The following LPAR5 variants were observed in gnomAD, a reference collection of about 807,000 sequenced individuals.
LPAR5 encodes the protein lysophosphatidic acid receptor 5.
For synonymous variants in LPAR5, 271 were observed against 261.6 expected (o/e 1.04, Z -0.35); for missense variants, 544 against 521.8 (o/e 1.04, Z -0.41).
chr12:6,626,055 A>G (rs904953911), intron 1 of LPAR5, among the ~76,000 whole-genome samples: 16 of 152,064 alleles, frequency 1.1e-4, no homozygotes, highest in Admixed American at 3.9e-4. Context: ...GGATCACTTG[A>G]GGTCAGGAGC....
chr12:6,619,227 C>G lies in LPAR5; in HGVS notation c.*903G>C, dbSNP rs980559098. On this transcript the variant is annotated 3_prime_UTR_variant, in exon 2 of 2. Transcript: ENST00000329858. ...AAAAGAACAAAATATAAGCAAAGCT[C>G]TTTGAGATCCTCAATTTCTAAGAGT... The G allele has an allele frequency of 5.9e-5, 9 of 152,108 alleles. No individual in the cohort carries two copies. Among genetic ancestry groups the G allele is most frequent in the Non-Finnish European group, 8.8e-5 (6 of 68,036 alleles). The allele number at this position is 152,108 out of a possible 1,614,324, so 9.4% of individuals were successfully genotyped here.
At chr12:6,635,628 G>C (rs892065302) in intron 1 of LPAR5, among the ~76,000 whole-genome samples, 5 of 152,160 alleles carry the variant, frequency 3.3e-5, no homozygotes, top group African/African-American at 1.2e-4. Flanking sequence ...AGAGGGGGAG[G>C]GGGAGGACAC....
At chr12:6,630,704 G>A (rs1948975779) in intron 1 of LPAR5, among the ~76,000 whole-genome samples, 1 of 151,806 alleles carries the variant, frequency 6.6e-6, no homozygotes, top group Admixed American at 6.6e-5. Context: ...CACCCGGCTC[G>A]GCCTCCCAAA....
intron 1 of LPAR5, among the ~76,000 whole-genome samples, chr12:6,628,329 C>T (rs1948957620): frequency 6.6e-6 from 1 of 151,876 alleles, no homozygotes; most frequent in Non-Finnish European, 1.5e-5. Flanking sequence ...CCCACTTGAT[C>T]ATTCTTAACC....
At chr12:6,633,277 C>A (rs868128330) in intron 1 of LPAR5, among the ~76,000 whole-genome samples, 40 of 152,200 alleles carry the variant, frequency 2.6e-4, no homozygotes, top group African/African-American at 9.2e-4. Flanking sequence ...GCATCTGACC[C>A]TTGCTTGTAG....
Position 6,621,428 on chromosome 12 carries a change from G to C in LPAR5, c.-180C>G. The C allele has an allele frequency of 1.9e-6, 1 of 528,210 alleles. No homozygotes were observed. The highest frequency in any genetic ancestry group is 7.3e-5 in the South Asian group (1 of 13,730). 32.7% of individuals were successfully genotyped at this position (528,210 alleles called of 1,614,324 possible). On this transcript the variant is annotated 5_prime_UTR_variant, in exon 2 of 2. Transcript: ENST00000329858. ...CAGGGACAGATGGCTGCCAAGGGTT[G>C]GGTGCGTTTGGTCACAGCTTCATCA...
At chr12:6,625,590 G>C (rs920358361) in intron 1 of LPAR5, among the ~76,000 whole-genome samples, 2 of 151,388 alleles carry the variant, frequency 1.3e-5, no homozygotes, top group African/African-American at 4.9e-5. Flanking sequence ...GAGCGTGGTG[G>C]TGGGCGCCTG....
intron 1 of LPAR5, among the ~76,000 whole-genome samples, chr12:6,622,845 C>T (rs1948906322): frequency 6.6e-6 from 1 of 152,094 alleles, no homozygotes; most frequent in African/African-American, 2.4e-5. Flanking sequence ...GTGAGAGAAT[C>T]ACTTGACTCC....
Position 6,620,178 on chromosome 12 carries a change from GGAGTCGGA to G in LPAR5, c.1063_1070del (p.Ser355ProfsTer84). ...ACTGTGTGAAGGAAGACAGAGAGTG[GGAGTCGGA>G]GGGTCGGAGCAGCCCCTGACTGGCG... is the stretch of plus-strand genomic sequence containing the variant. On this transcript the variant is annotated frameshift_variant, in exon 2 of 2. Transcript: ENST00000329858. LOFTEE classifies it low-confidence loss of function (END_TRUNC). The surrounding 1 kb of genome is among the most constrained non-coding windows in gnomAD (Gnocchi z 6.8). 1 of 1,613,338 alleles carries G rather than the reference GGAGTCGGA, an allele frequency of 6.2e-7. No homozygotes were observed.
In LPAR5 at chr12:6,621,347, A is replaced by T; in HGVS notation, c.-99T>A. On this transcript the variant is annotated 5_prime_UTR_variant, in exon 2 of 2. The change creates a premature stop within an existing upstream ORF in the 5' untranslated region. Coordinates refer to ENST00000329858, the MANE Select transcript of LPAR5 (RefSeq NM_020400.6). Reference sequence around the variant, plus strand: ...TCCGGGGCTGGGGCCTAGAGGCTGTACAGACATGGTCCCAAAACAAGCAGA... The same window carrying T: ...TCCGGGGCTGGGGCCTAGAGGCTGTTCAGACATGGTCCCAAAACAAGCAGA... The T allele has an allele frequency of 1.6e-6, 2 of 1,215,792 alleles. No homozygotes were observed. The highest frequency in any genetic ancestry group is 2.2e-6 in the Non-Finnish European group (2 of 923,078). The allele number at this position is 1,215,792 out of a possible 1,614,324, so 75.3% of individuals were successfully genotyped here. A position where few individuals can be genotyped will look rare whatever the true frequency, so the allele number is the denominator to read the frequency against.
chr12:6,635,695 G>A (rs1485739485), intron 1 of LPAR5, among the ~76,000 whole-genome samples: 3 of 152,164 alleles, frequency 2.0e-5, no homozygotes, highest in Non-Finnish European at 4.4e-5. Flanking sequence ...GAGCACTCCC[G>A]AGGTGTAGCA....
intron 1 of LPAR5, among the ~76,000 whole-genome samples, chr12:6,627,708 T>A (rs1404796563): frequency 6.6e-6 from 1 of 152,186 alleles, no homozygotes; most frequent in African/African-American, 2.4e-5. Context: ...CCCAACTAGA[T>A]GGTAAGCTCC....
intron 1 of LPAR5, among the ~76,000 whole-genome samples, chr12:6,629,948 C>G (rs1415153847): frequency 6.6e-6 from 1 of 151,972 alleles, no homozygotes; most frequent in South Asian, 2.1e-4. Context: ...CCCTTGAACC[C>G]AGGAGGCGGA....
At chr12:6,632,559 C>T (rs1592302952) in intron 1 of LPAR5, among the ~76,000 whole-genome samples, 1 of 152,164 alleles carries the variant, frequency 6.6e-6, no homozygotes, top group Non-Finnish European at 1.5e-5. Flanking sequence ...TCCCCACAGA[C>T]AGGCTTCATC....
chr12:6,627,448 G>A (rs775188500), intron 1 of LPAR5, among the ~76,000 whole-genome samples: 32 of 151,482 alleles, frequency 2.1e-4, no homozygotes, highest in South Asian at 4.2e-4. Context: ...ACAATTAGCC[G>A]GGCGAGGTGG....
chr12:6,619,902 G>C lies in LPAR5; in HGVS notation c.*228C>G, dbSNP rs575452132. The C allele has an allele frequency of 1.4e-6, 1 of 712,638 alleles. No individual in the cohort carries two copies. The highest frequency in any genetic ancestry group is 2.7e-5 in the East Asian group (1 of 36,434). 44.1% of individuals were successfully genotyped at this position (712,638 alleles called of 1,614,324 possible). ...TGGGCTCTCTGCATCACTTCCCACC[G>C]CTGGAGAAGGGGTGCTCTGCGTGCT... On this transcript the variant is annotated 3_prime_UTR_variant, in exon 2 of 2. Coordinates refer to ENST00000329858, the MANE Select transcript of LPAR5 (RefSeq NM_020400.6).
In LPAR5 at chr12:6,620,643, C is replaced by A. The variant is rs768156508; in HGVS notation, c.606G>T (p.Leu202=). ...VLLAEALGFL[L]PLAAVVYSSG... ...ACGAGTAGACCACCGCCGCCAGGGGCAGCAGGAAGCCCAGCGCCTCGGCCA... is the reference window on the plus strand; with the variant it reads ...ACGAGTAGACCACCGCCGCCAGGGGAAGCAGGAAGCCCAGCGCCTCGGCCA... The change falls in exon 2 of 2, where the codon CTG becomes CTT. Residue 202 remains leucine (L), a synonymous_variant. Coordinates refer to ENST00000329858, the MANE Select transcript of LPAR5 (RefSeq NM_020400.6). This position sits in a 1 kb window ranked among gnomAD's most constrained non-coding sequence, Gnocchi z 6.8. 1.3e-6 allele frequency: 2 copies of A among 1,554,606 alleles called. No individual in the cohort carries two copies. Among genetic ancestry groups the A allele is most frequent in the South Asian group, 2.4e-5 (2 of 84,734 alleles).
At chr12:6,624,230 G>A (rs369357339) in intron 1 of LPAR5, among the ~76,000 whole-genome samples, 2 of 152,132 alleles carry the variant, frequency 1.3e-5, no homozygotes, top group African/African-American at 4.8e-5. Context: ...AGGCCCTGTG[G>A]GTTGAGTTTT....
At position 6,620,726 on chromosome 12, in the gene LPAR5, A is replaced by T; in HGVS notation, c.523T>A (p.Cys175Ser). The T allele has an allele frequency of 6.3e-7, 1 of 1,587,006 alleles. No individual in the cohort carries two copies. Among genetic ancestry groups the T allele is most frequent in the Non-Finnish European group, 8.6e-7 (1 of 1,166,704 alleles). The part of the protein sequence containing the change: ...CRYRDLEVRL[C>S]FESFSDELWK... ...AGCTCGTCGCTGAAGCTCTCGAAGC[A>T]TAGGCGCACCTCGAGGTCCCGGTAG... is the stretch of plus-strand genomic sequence containing the variant. Residue 175 changes from cysteine (C) to serine (S), a missense_variant, in exon 2 of 2, where the codon TGC becomes AGC. Coordinates refer to ENST00000329858, the MANE Select transcript of LPAR5 (RefSeq NM_020400.6). The surrounding 1 kb of genome is among the most constrained non-coding windows in gnomAD (Gnocchi z 6.8).
Sources: gnomAD v4.1 joint callset for allele counts (sites outside exome capture counted in the v4.1 genomes callset) on GRCh38, gnomAD v4.1.1 for gene constraint, Gnocchi (gnomAD v3.1) non-coding constraint, MANE v1.5 for transcripts, NCBI Gene and HGNC (gene_info 2026-07-23, HGNC 2026-07-21) for gene names.